The following HIVEP2 variants were observed in gnomAD, a reference collection of about 807,000 sequenced individuals.
HIVEP2 encodes transcription factor HIVEP2.
A neutral mutation model predicts 180.7 loss-of-function variants in HIVEP2; 14 were observed. That is an observed-to-expected ratio of 0.08 (90% confidence interval 0.05 to 0.12). HIVEP2 has a LOEUF of 0.12. HIVEP2 is among the 10% of genes least tolerant of loss of function. The pLI, the probability that HIVEP2 is intolerant of heterozygous loss-of-function variation, is 1.00. For missense variants in HIVEP2, 2,579 were observed against 3,008.5 expected, an observed-to-expected ratio of 0.86 and a Z score of 3.34; for synonymous variants, 1,184 against 1,136.4, an observed-to-expected ratio of 1.04 and a Z score of -0.84.
Position 142,774,905 on chromosome 6 carries a change from C to G in HIVEP2, c.-167G>C. Reference sequence around the variant, plus strand: ...GAACCTTCCACACGCACACCACAGTCGATGGGCATTAGCTAGTAATGTCCT... The same window carrying G: ...GAACCTTCCACACGCACACCACAGTGGATGGGCATTAGCTAGTAATGTCCT... On this transcript the variant is annotated 5_prime_UTR_variant, in exon 5 of 10. Transcript: ENST00000367603. This position sits in a 1 kb window ranked among gnomAD's most constrained non-coding sequence, Gnocchi z 5.1. 1 of 1,477,410 alleles carries G rather than the reference C, an allele frequency of 6.8e-7. No individual in the cohort carries two copies. Among genetic ancestry groups the G allele is most frequent in the African/African-American group, 1.4e-5 (1 of 71,244 alleles). The allele number at this position is 1,477,410 out of a possible 1,614,324, so 91.5% of individuals were successfully genotyped here.
At chr6:142,879,410 C>T (rs198683) in intron 1 of HIVEP2, among the ~76,000 whole-genome samples, 80,179 of 151,880 alleles carry the variant, frequency 0.53, 22,222 homozygotes, top group African/African-American at 0.62. Flanking sequence ...TTGAGCACAG[C>T]GTCAATAATA....
intron 2 of HIVEP2, among the ~76,000 whole-genome samples, chr6:142,783,960 G>A (rs1292853314): frequency 6.6e-6 from 1 of 152,134 alleles, no homozygotes; most frequent in Non-Finnish European, 1.5e-5. Context: ...GGGTGTATTA[G>A]CAACTAAACC....
At chr6:142,763,444 A>C (rs545585170) in intron 7 of HIVEP2, among the ~76,000 whole-genome samples, 1 of 152,350 alleles carries the variant, frequency 6.6e-6, no homozygotes, top group African/African-American at 2.4e-5. Context: ...ACATTTGCAC[A>C]TTCCCAAAGG....
At chr6:142,912,731 C>T (rs1777445363) in intron 1 of HIVEP2, among the ~76,000 whole-genome samples, 1 of 152,192 alleles carries the variant, frequency 6.6e-6, no homozygotes, top group Non-Finnish European at 1.5e-5. Context: ...TTATGACAAT[C>T]TAATGTCTGA....
chr6:142,753,565 G>C lies in HIVEP2; in HGVS notation c.6883C>G (p.Pro2295Ala), dbSNP rs371582255. ...CGAGGAGAGGAGGGAGTGCTAGGTG[G>C]ACCAGATGACTGCAAAGCGTGAGGA... ...RGPHALQSSG[P>A]PSTPSSPRLL... is the part of the protein sequence containing the mutation. The change falls in exon 10 of 10, where the codon CCA becomes GCA. Residue 2295 changes from proline to alanine, a missense_variant. Physicochemically the swap from Pro to Ala is conservative, Grantham distance 27. Around this residue, in one of 11 missense-constraint regions of HIVEP2, gnomAD observed 660 missense variants for 731.7 expected, o/e 0.90. Transcript: ENST00000367603. 15 of 1,614,148 alleles carry C rather than the reference G, an allele frequency of 9.3e-6. No homozygotes were observed. The highest frequency in any genetic ancestry group is 1.3e-5 in the Non-Finnish European group (15 of 1,180,002).
chr6:142,841,985 C>A (rs1190488844), intron 1 of HIVEP2, among the ~76,000 whole-genome samples: 1 of 152,146 alleles, frequency 6.6e-6, no homozygotes, highest in African/African-American at 2.4e-5. Flanking sequence ...AAAATCCTAT[C>A]TTAAATAAAA....
Position 142,774,906 on chromosome 6 carries a change from G to C in HIVEP2, c.-168C>G, listed in dbSNP as rs1234190881. 2 of 1,475,732 alleles carry C rather than the reference G, an allele frequency of 1.4e-6. No individual in the cohort carries two copies. Among genetic ancestry groups the C allele is most frequent in the African/African-American group, 2.8e-5 (2 of 71,068 alleles). The allele number at this position is 1,475,732 out of a possible 1,614,324, so 91.4% of individuals were successfully genotyped here. A position where few individuals can be genotyped will look rare whatever the true frequency, so the allele number is the denominator to read the frequency against. Reference sequence around the variant, plus strand: ...AACCTTCCACACGCACACCACAGTCGATGGGCATTAGCTAGTAATGTCCTT... The same window carrying C: ...AACCTTCCACACGCACACCACAGTCCATGGGCATTAGCTAGTAATGTCCTT... On this transcript the variant is annotated 5_prime_UTR_variant, in exon 5 of 10. The change creates a new upstream start codon in the 5' untranslated region. Coordinates refer to ENST00000367603, the MANE Select transcript of HIVEP2 (RefSeq NM_006734.4). The surrounding 1 kb of genome is among the most constrained non-coding windows in gnomAD (Gnocchi z 5.1).
In HIVEP2 at chr6:142,760,144, T is replaced by G; in HGVS notation, c.6144A>C (p.Pro2048=). The G allele has an allele frequency of 6.2e-7, 1 of 1,614,156 alleles. No homozygotes were observed. Among genetic ancestry groups the G allele is most frequent in the Non-Finnish European group, 8.5e-7 (1 of 1,180,004 alleles). ...CTCGACAGGGTGAAGAATCATATCC[T>G]GGAGAGGAATGGTGGCTTGAGGGTG... The part of the protein sequence containing the change: ...DFSPSSHHSS[P]GYDSSPCRDN... Residue 2048 remains proline (P), a synonymous_variant, in exon 9 of 10, where the codon CCA becomes CCC. Coordinates refer to ENST00000367603, the MANE Select transcript of HIVEP2 (RefSeq NM_006734.4).
At chr6:142,827,943 T>C (rs550159972) in intron 2 of HIVEP2, among the ~76,000 whole-genome samples, 67 of 152,358 alleles carry the variant, frequency 4.4e-4, no homozygotes, top group African/African-American at 1.5e-3. Context: ...GGTGTACTTA[T>C]GTACTCAAGA....
At chr6:142,878,026 T>G (rs558104985) in intron 1 of HIVEP2, among the ~76,000 whole-genome samples, 1 of 152,170 alleles carries the variant, frequency 6.6e-6, no homozygotes, top group Non-Finnish European at 1.5e-5. Context: ...GATGCAGCAC[T>G]CTTCCAATAT....
intron 2 of HIVEP2, among the ~76,000 whole-genome samples, chr6:142,804,132 A>C (rs1253882168): frequency 1.3e-5 from 2 of 152,206 alleles, no homozygotes; most frequent in Admixed American, 1.3e-4. Context: ...AATATGTATA[A>C]ATTTTAATTG....
At chr6:142,885,415 C>T (rs1776671631) in intron 1 of HIVEP2, among the ~76,000 whole-genome samples, 1 of 152,056 alleles carries the variant, frequency 6.6e-6, no homozygotes, top group African/African-American at 2.4e-5. Context: ...CACCGTGAGC[C>T]CCTGTCTTCA....
At chr6:142,755,139 T>C (rs915993667) in intron 9 of HIVEP2, among the ~76,000 whole-genome samples, 18 of 152,320 alleles carry the variant, frequency 1.2e-4, no homozygotes, top group African/African-American at 3.8e-4. Flanking sequence ...CAGTTCTATC[T>C]AGATTATGAT....
chr6:142,924,333 C>T (rs1381417323), intron 1 of HIVEP2, among the ~76,000 whole-genome samples: 2 of 152,082 alleles, frequency 1.3e-5, no homozygotes, highest in Non-Finnish European at 2.9e-5. Context: ...ATTCAGCACC[C>T]GTGCTCTGAG....
intron 3 of HIVEP2, among the ~76,000 whole-genome samples, chr6:142,779,933 A>T (rs1775805306): frequency 6.6e-6 from 1 of 152,200 alleles, no homozygotes; most frequent in South Asian, 2.1e-4. Context: ...TCAAAACCAG[A>T]TACCTCATGG....
At chr6:142,785,431 A>T (rs1775975967) in intron 2 of HIVEP2, among the ~76,000 whole-genome samples, 4 of 151,910 alleles carry the variant, frequency 2.6e-5, no homozygotes, top group Admixed American at 2.6e-4. Context: ...AAAGATGCAG[A>T]TATTTATACG....
At chr6:142,862,893 A>G (rs1373997375) in intron 1 of HIVEP2, among the ~76,000 whole-genome samples, 2 of 78,140 alleles carry the variant, frequency 2.6e-5, no homozygotes, top group African/African-American at 1.3e-4. Context: ...TATATTGCAT[A>G]TAATAGATTA....
intron 1 of HIVEP2, among the ~76,000 whole-genome samples, chr6:142,885,882 T>G (rs768672544): frequency 6.6e-6 from 1 of 152,196 alleles, no homozygotes; most frequent in Non-Finnish European, 1.5e-5. Context: ...CACTTTCTCC[T>G]TCAAATAATG....
chr6:142,862,958 T>G (rs1171309854), intron 1 of HIVEP2, among the ~76,000 whole-genome samples: 6 of 133,444 alleles, frequency 4.5e-5, no homozygotes, highest in Admixed American at 1.6e-4. Context: ...TAATATATAT[T>G]GTGTACTATA....
Sources: allele counts gnomAD v4.1 joint callset (sites outside exome capture counted in the v4.1 genomes callset), GRCh38; gene constraint gnomAD v4.1.1; regional missense constraint gnomAD v4.1.1; non-coding constraint Gnocchi (gnomAD v3.1); transcripts MANE v1.5; gene names NCBI Gene and HGNC (gene_info 2026-07-23, HGNC 2026-07-21).